DDAH1: variants seen among roughly 807,000 people sequenced by gnomAD.
DDAH1 encodes dimethylarginine dimethylaminohydrolase 1.
In DDAH1, 19 loss-of-function variants were observed where a neutral mutation model predicts 28.8. The ratio of observed to expected loss-of-function variants is 0.66; its 90% CI spans 0.46 to 0.97. The LOEUF is 0.97. DDAH1 is among the 50% of genes least tolerant of loss of function. The probability of loss-of-function intolerance (pLI) is 0.00; values close to 1 mark genes in which losing one functional copy is unlikely to be tolerated. For missense variants in DDAH1, 326 were observed against 375.9 expected, an observed-to-expected ratio of 0.87 and a Z score of 1.10; for synonymous variants, 153 against 154.4, an observed-to-expected ratio of 0.99 and a Z score of 0.07.
intron 1 of DDAH1, among the ~76,000 whole-genome samples, chr1:85,409,228 C>A (rs1187993611): frequency 6.6e-6 from 1 of 152,108 alleles, no homozygotes; most frequent in Non-Finnish European, 1.5e-5. Flanking sequence ...CCCAGGGAAG[C>A]CAAAAGATTG....
intron 2 of DDAH1, among the ~76,000 whole-genome samples, chr1:85,484,492 G>C (rs1316271072): frequency 6.6e-6 from 1 of 152,020 alleles, no homozygotes; most frequent in African/African-American, 2.4e-5. Flanking sequence ...GGAAGGACTA[G>C]AACAAAGGTT....
At chr1:85,534,793 C>A (rs1337740656) in intron 1 of DDAH1, among the ~76,000 whole-genome samples, 2 of 152,118 alleles carry the variant, frequency 1.3e-5, no homozygotes, top group African/African-American at 4.8e-5. Context: ...CCTTTTCTAA[C>A]CAGACAGCAC....
chr1:85,378,985 A>G (rs542474944), intron 1 of DDAH1, among the ~76,000 whole-genome samples: 32 of 152,308 alleles, frequency 2.1e-4, no homozygotes, highest in African/African-American at 7.0e-4. Flanking sequence ...AAATTTCCTA[A>G]TGTGCTTTAA....
At chr1:85,417,051 C>A (rs1419785143) in intron 1 of DDAH1, among the ~76,000 whole-genome samples, 3 of 152,170 alleles carry the variant, frequency 2.0e-5, no homozygotes, top group Non-Finnish European at 4.4e-5. Flanking sequence ...ATGAAGACAA[C>A]ACTAGATTTT....
In DDAH1 at chr1:85,507,706, CA is replaced by C. The variant is rs1657069919; in HGVS notation, c.-122-11426del. 5.3e-5 allele frequency among the ~76,000 whole-genome samples: 8 copies of C among 152,164 alleles called. No homozygotes were observed. The South Asian group carries it at 1.7e-3, about 32-fold the overall frequency. On this transcript the variant is annotated intron_variant, in intron 1 of 6. Transcript: ENST00000426972. ...TTCTAAAAGTTTTAGCTGTTTTTAT[CA>C]AGCTAAGAGTCCTTTGAAGTTCTCG...
intron 4 of DDAH1, among the ~76,000 whole-genome samples, chr1:85,335,377 A>G (rs1414921444): frequency 6.6e-6 from 1 of 152,200 alleles, no homozygotes; most frequent in Admixed American, 6.5e-5. Flanking sequence ...GGTTATTAAA[A>G]AATATTTTTT....
At chr1:85,430,262 C>T (rs1427464584) in intron 1 of DDAH1, among the ~76,000 whole-genome samples, 1 of 152,146 alleles carries the variant, frequency 6.6e-6, no homozygotes, top group Non-Finnish European at 1.5e-5. Flanking sequence ...GTCTATATCT[C>T]TGTTTTGGTA....
At chr1:85,565,600 T>C (rs181466541) in intron 1 of DDAH1, among the ~76,000 whole-genome samples, 19 of 151,654 alleles carry the variant, frequency 1.3e-4, no homozygotes, top group East Asian at 1.9e-4. Context: ...TAAAAAAAAG[T>C]TTTTCAGATA....
upstream of DDAH1, chr1:85,467,697 T>A (rs1655434068): frequency 6.6e-6 from 1 of 152,228 alleles, no homozygotes; most frequent in Non-Finnish European, 1.5e-5. Flanking sequence ...ACTTCAGCAA[T>A]GAAGGACTGT....
At chr1:85,339,582 A>G (rs1157656560) in intron 4 of DDAH1, among the ~76,000 whole-genome samples, 1 of 152,220 alleles carries the variant, frequency 6.6e-6, no homozygotes, top group East Asian at 1.9e-4. Flanking sequence ...GGAGGGTGGT[A>G]GAAAATTTAA....
chr1:85,474,359 T>G (rs1655721697), intron 2 of DDAH1, among the ~76,000 whole-genome samples: 1 of 152,242 alleles, frequency 6.6e-6, no homozygotes, highest in African/African-American at 2.4e-5. Flanking sequence ...GAAGTCCACA[T>G]GTTTTACCAT....
At chr1:85,529,153 T>A (rs1336095149) in intron 1 of DDAH1, among the ~76,000 whole-genome samples, 3 of 151,692 alleles carry the variant, frequency 2.0e-5, no homozygotes, top group African/African-American at 7.3e-5. Flanking sequence ...AAAGAAACTT[T>A]GTGGTGATTA....
intron 1 of DDAH1, among the ~76,000 whole-genome samples, chr1:85,383,389 T>A (rs553769083): frequency 6.6e-6 from 1 of 152,324 alleles, no homozygotes; most frequent in East Asian, 1.9e-4. Flanking sequence ...TGCAATCTCA[T>A]GATAAAACTT....
rs369721940 is a variant in DDAH1, at chr1:85,345,437, ATAAT to A, written c.597+4974_597+4977del. 9.3e-4 allele frequency among the ~76,000 whole-genome samples: 141 copies of A among 152,206 alleles called. 1 individual carries two copies. Among genetic ancestry groups the A allele is most frequent in the Middle Eastern group, 3.4e-3 (1 of 294 alleles). Reference sequence around the variant, plus strand: ...TGCTCTAAAAACTAATTTGGCCTAAATAATAGTATTTCTAGGATCAGACTTGCTG... The same window carrying A: ...TGCTCTAAAAACTAATTTGGCCTAAAAGTATTTCTAGGATCAGACTTGCTG... On this transcript the variant is annotated intron_variant, in intron 4 of 5. Coordinates refer to ENST00000284031, the MANE Select transcript of DDAH1 (RefSeq NM_012137.4).
intron 1 of DDAH1, among the ~76,000 whole-genome samples, chr1:85,426,921 C>CAAAAAAAAAAAAAAAAAAAAGAAA (rs10680800): frequency 8.3e-6 from 1 of 120,432 alleles, no homozygotes; most frequent in Non-Finnish European, 1.7e-5. Context: ...TTAAAAAAAA[C>CAAAAAAAAAAAAAAAAAAAAGAAA]AAAAAAAAAA....
chr1:85,531,409 C>A (rs1658087316), intron 1 of DDAH1, among the ~76,000 whole-genome samples: 1 of 152,188 alleles, frequency 6.6e-6, no homozygotes, highest in Non-Finnish European at 1.5e-5. Flanking sequence ...ATACAGTATT[C>A]AGTTTGTGCA....
intron 1 of DDAH1, among the ~76,000 whole-genome samples, chr1:85,569,773 A>G (rs894524109): frequency 6.6e-6 from 1 of 152,260 alleles, no homozygotes; most frequent in African/African-American, 2.4e-5. Flanking sequence ...CAGGAAGCCC[A>G]GAGGAAAGAA....
At chr1:85,483,708 G>A (rs975954238) in intron 2 of DDAH1, among the ~76,000 whole-genome samples, 1 of 152,140 alleles carries the variant, frequency 6.6e-6, no homozygotes, top group African/African-American at 2.4e-5. Context: ...TTGCTTTTCA[G>A]AGCCCTTTGG....
At chr1:85,500,365 T>G (rs1656781204) in intron 1 of DDAH1, among the ~76,000 whole-genome samples, 1 of 151,954 alleles carries the variant, frequency 6.6e-6, no homozygotes, top group Admixed American at 6.6e-5. Context: ...GTTGACAGGT[T>G]TTATTTCTTT....
Sources: gnomAD v4.1 joint callset for allele counts (sites outside exome capture counted in the v4.1 genomes callset) on GRCh38, gnomAD v4.1.1 for gene constraint, MANE v1.5 for transcripts, NCBI Gene and HGNC (gene_info 2026-07-23, HGNC 2026-07-21) for gene names.